The following MTA3 variants were observed in gnomAD, a reference collection of about 807,000 sequenced individuals.
The protein encoded by MTA3 is metastasis-associated protein MTA3.
A neutral mutation model predicts 83.5 loss-of-function variants in MTA3; 34 were observed. The observed-to-expected ratio is 0.41, with a 90% CI of 0.31 to 0.54. The LOEUF is 0.54. Among genes scored for constraint, MTA3 ranks in the 20% least tolerant of loss-of-function variants. The probability of loss-of-function intolerance (pLI) is 0.33; values close to 1 mark genes in which losing one functional copy is unlikely to be tolerated. For missense variants in MTA3, 761 were observed against 726.4 expected (o/e 1.05, Z -0.55); for synonymous variants, 303 against 252.7 (o/e 1.20, Z -1.89).
chr2:42,712,481 C>T (rs1357586597), intron 14 of MTA3, among the ~76,000 whole-genome samples: 1 of 151,856 alleles, frequency 6.6e-6, no homozygotes, highest in Non-Finnish European at 1.5e-5. Context: ...GAGATGGGGC[C>T]TCACTATGAA....
rs189304679 is a variant in MTA3 at position 42,720,371 on chromosome 2, C to T, written c.1612+1297C>T. Among the ~76,000 whole-genome samples, 548 of 151,994 alleles carry T rather than the reference C, an allele frequency of 3.6e-3. 3 individuals carry two copies. The highest frequency in any genetic ancestry group is 3.9e-3 in the Non-Finnish European group (267 of 67,982). On this transcript the variant is annotated intron_variant, in intron 15 of 16. Transcript: ENST00000405094. ...CTAATTTTTGTATTTTTAGTAGAGACGGGGTTTCACCTTGTTAGCCAGGAG... is the reference window on the plus strand; with the variant it reads ...CTAATTTTTGTATTTTTAGTAGAGATGGGGTTTCACCTTGTTAGCCAGGAG...
chr2:42,648,078 T>C (rs1209197616), intron 6 of MTA3, among the ~76,000 whole-genome samples: 1 of 152,172 alleles, frequency 6.6e-6, no homozygotes, highest in East Asian at 1.9e-4. Flanking sequence ...TGACCTCAGG[T>C]GATCCACCTG....
At chr2:42,594,666 A>G (rs1681474144) in intron 3 of MTA3, among the ~76,000 whole-genome samples, 2 of 132,896 alleles carry the variant, frequency 1.5e-5, no homozygotes, top group East Asian at 4.2e-4. Context: ...ATATATATAC[A>G]CACATATATA....
intron 12 of MTA3, among the ~76,000 whole-genome samples, chr2:42,705,897 C>T (rs1573696488): frequency 6.6e-6 from 1 of 152,050 alleles, no homozygotes; most frequent in Non-Finnish European, 1.5e-5. Flanking sequence ...TTTATCCTTA[C>T]AGAGAGATAG....
At chr2:42,715,796 T>C (rs1039521401) in intron 14 of MTA3, among the ~76,000 whole-genome samples, 1 of 152,244 alleles carries the variant, frequency 6.6e-6, no homozygotes, top group Non-Finnish European at 1.5e-5. Flanking sequence ...TTGGCAGTTT[T>C]CCTTTGGGTC....
At chr2:42,640,721 T>C (rs952842795) in intron 5 of MTA3, among the ~76,000 whole-genome samples, 5 of 152,216 alleles carry the variant, frequency 3.3e-5, no homozygotes, top group Non-Finnish European at 7.3e-5. Context: ...CAAGTTGAGA[T>C]AGAGCATACG....
intron 11 of MTA3, 109 bp downstream of exon 11, chr2:42,697,943 T>G: frequency 3.1e-6 from 2 of 639,546 alleles, no homozygotes; most frequent in South Asian, 4.8e-5. Context: ...TGTATCTTTC[T>G]TCTTCTACAA....
chr2:42,736,003 C>T lies in MTA3; in HGVS notation c.1759+12968C>T, dbSNP rs371871324. Among the ~76,000 whole-genome samples, 9 of 152,236 alleles carry T rather than the reference C, an allele frequency of 5.9e-5. No homozygotes were observed. The East Asian group carries it at 9.6e-4, about 16-fold the overall frequency. ...GATGGTCTTGAAGTTTGTGGATATTCTTCAGTGTCTGGGCATTGAAGAGTT... is the reference window on the plus strand; with the variant it reads ...GATGGTCTTGAAGTTTGTGGATATTTTTCAGTGTCTGGGCATTGAAGAGTT... On this transcript the variant is annotated intron_variant, in intron 16 of 16. Transcript: ENST00000405094.
At chr2:42,582,083 A>T (rs1032843456) in intron 3 of MTA3, among the ~76,000 whole-genome samples, 3 of 148,724 alleles carry the variant, frequency 2.0e-5, no homozygotes, top group Non-Finnish European at 4.5e-5. Context: ...TTTGAGACGG[A>T]GTCTTGCTGT....
chr2:42,642,971 C>T (rs1687830432), intron 5 of MTA3, among the ~76,000 whole-genome samples: 1 of 151,572 alleles, frequency 6.6e-6, no homozygotes, highest in African/African-American at 2.4e-5. Flanking sequence ...TCTATTCCTG[C>T]AGATTTTTTC....
At chr2:42,506,768 C>A (rs1201437740) in intron 2 of MTA3, among the ~76,000 whole-genome samples, 1 of 152,016 alleles carries the variant, frequency 6.6e-6, no homozygotes, top group African/African-American at 2.4e-5. Flanking sequence ...CCACCACACC[C>A]AGCTAATTTT....
chr2:42,593,705 A>C (rs908546093), intron 3 of MTA3, among the ~76,000 whole-genome samples: 4 of 73,234 alleles, frequency 5.5e-5, no homozygotes, highest in Admixed American at 1.8e-4. Context: ...ATTGATATGG[A>C]GTCTTTATTT....
intron 3 of MTA3, among the ~76,000 whole-genome samples, chr2:42,602,932 T>A (rs924938186): frequency 1.2e-4 from 19 of 152,112 alleles, no homozygotes; most frequent in African/African-American, 4.3e-4. Context: ...TCAAGCTACA[T>A]GACATGAATT....
rs571099875 is a variant in MTA3 at position 42,547,100 on chromosome 2, C to A, written c.-140-23337C>A. 2.0e-5 allele frequency among the ~76,000 whole-genome samples: 3 copies of A among 152,160 alleles called. No individual in the cohort carries two copies. The South Asian group carries it at 6.2e-4, about 32-fold the overall frequency. On this transcript the variant is annotated intron_variant, in intron 2 of 17. Transcript: ENST00000405592. The stretch of plus-strand genomic sequence containing the variant: ...CTTTATAAAATACAGATTCCCTGGC[C>A]CCTCCCCCAGAGACAGATTTTGTAG...
intron 9 of MTA3, among the ~76,000 whole-genome samples, chr2:42,691,938 G>C (rs1692937590): frequency 6.6e-6 from 1 of 152,082 alleles, no homozygotes; most frequent in Admixed American, 6.5e-5. Flanking sequence ...TTGCTTTTGA[G>C]GTTCTTTCTT....
At chr2:42,639,484 C>A (rs773185960) in intron 4 of MTA3, among the ~76,000 whole-genome samples, 16 of 152,062 alleles carry the variant, frequency 1.1e-4, no homozygotes, top group Admixed American at 3.9e-4. Context: ...ACCTACATAA[C>A]CTCAGTTTTT....
chr2:42,570,747 A>AGGG (rs1678381623), intron 2 of MTA3, among the ~76,000 whole-genome samples: 1 of 152,050 alleles, frequency 6.6e-6, no homozygotes, highest in Non-Finnish European at 1.5e-5. Context: ...GCGGTGGCTC[A>AGGG]TGCCTGTAAT....
At chr2:42,514,692 T>TTTTA (rs1553336234) in intron 2 of MTA3, among the ~76,000 whole-genome samples, 2 of 129,352 alleles carry the variant, frequency 1.5e-5, no homozygotes, top group Non-Finnish European at 3.2e-5. Flanking sequence ...CTTTTTTTTT[T>TTTTA]TTTTTTTTTT....
intron 8 of MTA3, among the ~76,000 whole-genome samples, chr2:42,672,353 A>T (rs955898166): frequency 4.0e-5 from 6 of 151,564 alleles, no homozygotes; most frequent in Non-Finnish European, 8.8e-5. Context: ...TAAAAAAAAA[A>T]AAAAATAGGC....
Sources: gnomAD v4.1 joint callset for allele counts (sites outside exome capture counted in the v4.1 genomes callset) on GRCh38, gnomAD v4.1.1 for gene constraint, MANE v1.5 for transcripts, NCBI Gene and HGNC (gene_info 2026-07-23, HGNC 2026-07-21) for gene names.